Variants in LDLRAD4 observed in about 807,000 individuals in gnomAD.
The protein encoded by LDLRAD4 is low density lipoprotein receptor class A domain containing 4, also known as low-density lipoprotein receptor class A domain-containing protein 4.
In LDLRAD4, 5 loss-of-function variants were observed where a neutral mutation model predicts 17.0. The observed-to-expected ratio is 0.29, with a 90% CI of 0.15 to 0.62. The LOEUF is 0.62. LDLRAD4 is among the 20% of genes least tolerant of loss of function. The pLI is 0.84. For synonymous variants in LDLRAD4, 168 were observed against 171.8 expected, an observed-to-expected ratio of 0.98 and a Z score of 0.17; for missense variants, 340 against 424.7, an observed-to-expected ratio of 0.80 and a Z score of 1.75.
chr18:13,612,782 T>A, intron 3 of LDLRAD4: 1 of 1,613,992 alleles, frequency 6.2e-7, no homozygotes, highest in Non-Finnish European at 8.5e-7. Flanking sequence ...AAGGTACATT[T>A]CCCAAGAACT....
At chr18:13,272,981 G>A (rs2044652024) in intron 1 of LDLRAD4, among the ~76,000 whole-genome samples, 1 of 152,332 alleles carries the variant, frequency 6.6e-6, no homozygotes, top group South Asian at 2.1e-4. Flanking sequence ...GAGCTGTGGT[G>A]CATCAGCTAG....
At chr18:13,436,221 A>G (rs1038513426) in intron 2 of LDLRAD4, among the ~76,000 whole-genome samples, 1 of 152,236 alleles carries the variant, frequency 6.6e-6, no homozygotes, top group Admixed American at 6.5e-5. Context: ...GAAGAGGGCT[A>G]GCTCATTCAC....
Position 13,532,896 on chromosome 18 carries a change from G to A in LDLRAD4, c.182-88221G>A, listed in dbSNP as rs564504836. 4.6e-5 allele frequency among the ~76,000 whole-genome samples: 7 copies of A among 152,332 alleles called. No individual in the cohort carries two copies. The East Asian group carries it at 9.6e-4, about 21-fold the overall frequency. On this transcript the variant is annotated intron_variant, in intron 3 of 5. Transcript: ENST00000359446. ...AGCTGAGGGTCAGGGGCCCTGTCCT[G>A]GGCAGGGGCCGTGGAAGGAGCCCTT...
chr18:13,292,702 A>G (rs1459896786), intron 1 of LDLRAD4, among the ~76,000 whole-genome samples: 1 of 152,166 alleles, frequency 6.6e-6, no homozygotes, highest in Non-Finnish European at 1.5e-5. Context: ...TGCTTTCTTC[A>G]CTTAGCAGCA....
At chr18:13,240,100 T>C (rs1241302380) in intron 1 of LDLRAD4, 1 of 152,250 alleles carries the variant, frequency 6.6e-6, no homozygotes, top group Non-Finnish European at 1.5e-5. Flanking sequence ...TAGAAACTCA[T>C]TGCACATTAG....
intron 1 of LDLRAD4, among the ~76,000 whole-genome samples, chr18:13,294,377 A>C (rs1162641135): frequency 6.6e-6 from 1 of 152,262 alleles, no homozygotes; most frequent in Non-Finnish European, 1.5e-5. Flanking sequence ...CTTCTCCACA[A>C]GGCTTAATCA....
At chr18:13,281,942 A>G (rs2045306822) in intron 1 of LDLRAD4, among the ~76,000 whole-genome samples, 1 of 152,054 alleles carries the variant, frequency 6.6e-6, no homozygotes, top group Non-Finnish European at 1.5e-5. Context: ...GTTTAATTGG[A>G]CCTAACAGTT....
At position 13,278,116 on chromosome 18, in the gene LDLRAD4, C is replaced by G. The variant is rs185902849; in HGVS notation, c.-455C>G. The G allele has an allele frequency of 1.5e-3, 226 of 152,338 alleles. 1 individual carries two copies. Among genetic ancestry groups the G allele is most frequent in the African/African-American group, 4.9e-3 (204 of 41,582 alleles). The allele number at this position is 152,338 out of a possible 1,614,324, so 9.4% of individuals were successfully genotyped here. ...ATCTTTCTTTCTAGCGGTTCAAGCT[C>G]TACGTTCGTGACATCAAACCTCCTG... On this transcript the variant is annotated 5_prime_UTR_variant, in exon 1 of 6. Transcript: ENST00000359446.
chr18:13,482,999 A>C (rs986766721), intron 3 of LDLRAD4, among the ~76,000 whole-genome samples: 1 of 152,132 alleles, frequency 6.6e-6, no homozygotes, highest in African/African-American at 2.4e-5. Context: ...ACCTTCAGAG[A>C]GAGCCCACCC....
Position 13,398,580 on chromosome 18 carries a change from G to A in LDLRAD4, c.40+10818G>A, listed in dbSNP as rs1040842635. Among the ~76,000 whole-genome samples, 4 of 152,172 alleles carry A rather than the reference G, an allele frequency of 2.6e-5. No individual in the cohort carries two copies. Among genetic ancestry groups the A allele is most frequent in the Admixed American group, 6.5e-5 (1 of 15,286 alleles). The stretch of plus-strand genomic sequence containing the variant: ...GTGGGAATGACTGTGGGTGGGTAAC[G>A]AGGGTCTCAGTTTTGGCTTAAGGAC... On this transcript the variant is annotated intron_variant, in intron 2 of 5. Coordinates refer to ENST00000359446, the Ensembl canonical transcript of LDLRAD4. The surrounding 1 kb of genome is among the most constrained non-coding windows in gnomAD (Gnocchi z 4.8).
rs2094911526 is a variant in LDLRAD4, at chr18:13,584,679, C to T, written c.182-36438C>T. On this transcript the variant is annotated intron_variant, in intron 3 of 5. Coordinates refer to ENST00000359446, the Ensembl canonical transcript of LDLRAD4. ...TTCCATATTACCACTTCTTATTGTGCTTAATCCTAGGGTAAATTTAAGTTA... is the reference window on the plus strand; with the variant it reads ...TTCCATATTACCACTTCTTATTGTGTTTAATCCTAGGGTAAATTTAAGTTA... 6.6e-5 allele frequency among the ~76,000 whole-genome samples: 10 copies of T among 152,266 alleles called. No homozygotes were observed. In the South Asian group the frequency reaches 2.1e-3, roughly 32 times the overall value.
chr18:13,311,954 C>T (rs1468809654), intron 1 of LDLRAD4, among the ~76,000 whole-genome samples: 2 of 152,028 alleles, frequency 1.3e-5, no homozygotes, highest in African/African-American at 4.8e-5. Context: ...GCCTCAGCCT[C>T]CCGAGTAGCT....
intron 2 of LDLRAD4, among the ~76,000 whole-genome samples, chr18:13,437,172 C>T (rs966232431): frequency 2.0e-5 from 3 of 152,194 alleles, no homozygotes; most frequent in Admixed American, 2.0e-4. Flanking sequence ...TTGATCCAGG[C>T]CTGCCACCCT....
rs4797783 is a variant in LDLRAD4, at chr18:13,510,693, A to G, written c.181+72309A>G. 8.2e-3 allele frequency among the ~76,000 whole-genome samples: 1,254 copies of G among 152,340 alleles called. 43 individuals are homozygous for G. The highest frequency in any genetic ancestry group is 0.079 in the East Asian group (411 of 5,174). On this transcript the variant is annotated intron_variant, in intron 3 of 5. Coordinates refer to ENST00000359446, the Ensembl canonical transcript of LDLRAD4. ...AAATAAAAAAATCATCTTTAAAAAT[A>G]TGAGGAAAGGCAAAGTCAGTTGGGT...
chr18:13,294,276 G>A (rs959025508), intron 1 of LDLRAD4, among the ~76,000 whole-genome samples: 5 of 152,242 alleles, frequency 3.3e-5, no homozygotes, highest in Admixed American at 2.0e-4. Context: ...AGGTGGTCCA[G>A]GTGGCTGCTC....
intron 3 of LDLRAD4, among the ~76,000 whole-genome samples, chr18:13,495,400 C>T (rs1399301141): frequency 7.2e-5 from 11 of 152,194 alleles, no homozygotes; most frequent in African/African-American, 1.4e-4. Context: ...AAATGTATCT[C>T]GTCTGTTTCT....
At chr18:13,396,430 C>T (rs1318067829) in intron 2 of LDLRAD4, among the ~76,000 whole-genome samples, 1 of 152,176 alleles carries the variant, frequency 6.6e-6, no homozygotes, top group Non-Finnish European at 1.5e-5. Flanking sequence ...CTTATGATAC[C>T]ACATACAATA....
intron 3 of LDLRAD4, among the ~76,000 whole-genome samples, chr18:13,495,403 C>G (rs2093447863): frequency 6.6e-6 from 1 of 152,228 alleles, no homozygotes; most frequent in African/African-American, 2.4e-5. Flanking sequence ...TGTATCTCGT[C>G]TGTTTCTCTG....
chr18:13,350,765 T>C (rs2082991994), intron 1 of LDLRAD4, among the ~76,000 whole-genome samples: 1 of 152,188 alleles, frequency 6.6e-6, no homozygotes, highest in Non-Finnish European at 1.5e-5. Flanking sequence ...TGGCTTGAGG[T>C]TTTACATTTA....
Sources: gnomAD v4.1 joint callset for allele counts (sites outside exome capture counted in the v4.1 genomes callset) on GRCh38, gnomAD v4.1.1 for gene constraint, Gnocchi (gnomAD v3.1) non-coding constraint, MANE v1.5 for transcripts, NCBI Gene and HGNC (gene_info 2026-07-23, HGNC 2026-07-21) for gene names.